Variants in OSBP2 observed in about 807,000 individuals in gnomAD.
The protein encoded by OSBP2 is oxysterol binding protein 2.
In OSBP2, 66 loss-of-function variants were observed where a neutral mutation model predicts 96.0. The observed-to-expected ratio is 0.69, with a 90% CI of 0.56 to 0.84. The LOEUF (loss-of-function observed/expected upper bound fraction) is 0.84, where lower values mean the gene tolerates loss of function less well. OSBP2 is among the 40% of genes least tolerant of loss of function. The pLI, the probability that OSBP2 is intolerant of heterozygous loss-of-function variation, is 0.00. For missense variants in OSBP2, 1,038 were observed against 1,222.7 expected (o/e 0.85, Z 2.25); for synonymous variants, 525 against 520.9 (o/e 1.01, Z -0.11).
At chr22:30,894,072 T>G in intron 12 of OSBP2, 71 bp downstream of exon 12, 2 of 1,394,040 alleles carry the variant, frequency 1.4e-6, no homozygotes, top group Non-Finnish European at 2.0e-6. Context: ...AGAAAGCAAC[T>G]GACAGGCACA....
At chr22:30,730,762 CTCTCTCTCTCTCTATA>C (rs1569100343) in intron 1 of OSBP2, among the ~76,000 whole-genome samples, 96 of 39,426 alleles carry the variant, frequency 2.4e-3, no homozygotes, top group South Asian at 6.6e-3. Flanking sequence ...CTCTCTCTCT[CTCTCTCTCTCTCTATA>C]TATATATATA....
At chr22:30,820,489 C>T (rs941438718) in intron 2 of OSBP2, among the ~76,000 whole-genome samples, 2 of 152,138 alleles carry the variant, frequency 1.3e-5, no homozygotes, top group Non-Finnish European at 2.9e-5. Context: ...CCTCTGGGAG[C>T]CCAGGGCGCA....
chr22:30,720,510 G>A (rs1226956119), intron 1 of OSBP2, among the ~76,000 whole-genome samples: 1 of 152,166 alleles, frequency 6.6e-6, no homozygotes, highest in Non-Finnish European at 1.5e-5. Flanking sequence ...AGCGAGCCAA[G>A]ACAGAGTTAG....
intron 1 of OSBP2, among the ~76,000 whole-genome samples, chr22:30,724,468 A>AC (rs1209375268): frequency 6.6e-6 from 1 of 152,042 alleles, no homozygotes; most frequent in East Asian, 1.9e-4. Flanking sequence ...TGATCCACCC[A>AC]CCTTGGCCTC....
At chr22:30,784,794 G>A (rs1031839975) in intron 2 of OSBP2, among the ~76,000 whole-genome samples, 2 of 137,278 alleles carry the variant, frequency 1.5e-5, no homozygotes, top group Non-Finnish European at 3.1e-5. Context: ...TTTTTTTTGA[G>A]ATGTGTCTTG....
chr22:30,705,249 C>T lies in OSBP2; in HGVS notation c.644+9696C>T, dbSNP rs553742213. On this transcript the variant is annotated intron_variant, in intron 1 of 13. Transcript: ENST00000332585. Reference sequence around the variant, plus strand: ...GGTTTTTGCAAGTGACTGGGGTACACTTGCCACATGGACCCCTTCCTCCCC... The same window carrying T: ...GGTTTTTGCAAGTGACTGGGGTACATTTGCCACATGGACCCCTTCCTCCCC... Among the ~76,000 whole-genome samples the T allele has an allele frequency of 2.0e-4, 30 of 152,046 alleles. No individual in the cohort carries two copies. In the South Asian group the frequency reaches 2.3e-3, roughly 12 times the overall value.
chr22:30,821,565 G>C (rs1276709066), intron 2 of OSBP2, among the ~76,000 whole-genome samples: 1 of 152,140 alleles, frequency 6.6e-6, no homozygotes, highest in Non-Finnish European at 1.5e-5. Context: ...TGGTACAAAT[G>C]GCGGTGGATG....
At position 30,903,082 on chromosome 22, in the gene OSBP2, G is replaced by A. The variant is rs117567807; in HGVS notation, c.2376-2755G>A. On this transcript the variant is annotated intron_variant, in intron 12 of 13. Coordinates refer to ENST00000332585, the MANE Select transcript of OSBP2 (RefSeq NM_030758.4). ...TCCTAGCAGCACATGGGGTTCCCCA[G>A]AGGATCGGAGGTGGCCATGTGGGGG... Among the ~76,000 whole-genome samples, 575 of 152,324 alleles carry A rather than the reference G, an allele frequency of 3.8e-3. 2 individuals carry two copies. Among genetic ancestry groups the A allele is most frequent in the Non-Finnish European group, 6.8e-3 (462 of 68,034 alleles).
intron 2 of OSBP2, among the ~76,000 whole-genome samples, chr22:30,835,816 C>G (rs1388231165): frequency 6.6e-6 from 1 of 151,036 alleles, no homozygotes; most frequent in Non-Finnish European, 1.5e-5. Flanking sequence ...TCCCCTATCT[C>G]AAGTGATCCT....
intron 2 of OSBP2, among the ~76,000 whole-genome samples, chr22:30,770,324 G>T (rs1416867167): frequency 6.6e-6 from 1 of 152,068 alleles, no homozygotes; most frequent in East Asian, 1.9e-4. Context: ...ACGAACTCCT[G>T]ACCTCAAGTG....
In OSBP2 at chr22:30,893,749, C is replaced by T. The variant is rs775670545; in HGVS notation, c.2190+16C>T. On this transcript the variant is annotated intron_variant, in intron 11 of 13. Transcript: ENST00000332585. Reference sequence around the variant, plus strand: ...AGCCCGGAAGGTAAGCAGGACCAGCCACCTCTAAGCACCCCAGGGGGCCCA... The same window carrying T: ...AGCCCGGAAGGTAAGCAGGACCAGCTACCTCTAAGCACCCCAGGGGGCCCA... 1.2e-6 allele frequency: 2 copies of T among 1,613,452 alleles called. No homozygotes were observed. Among genetic ancestry groups the T allele is most frequent in the Admixed American group, 1.7e-5 (1 of 59,984 alleles).
intron 8 of OSBP2, 109 bp downstream of exon 8, chr22:30,891,082 G>A (rs2039938120): frequency 5.1e-6 from 7 of 1,361,518 alleles, no homozygotes; most frequent in Non-Finnish European, 6.0e-6. Flanking sequence ...GACCCTGACT[G>A]CCCATACCCA....
intron 1 of OSBP2, among the ~76,000 whole-genome samples, chr22:30,740,943 C>T (rs115735927): frequency 0.038 from 5,771 of 152,268 alleles, 182 homozygotes; most frequent in African/African-American, 0.081. Flanking sequence ...GGCTCCCGTC[C>T]CTCTGCCATT....
intron 2 of OSBP2, among the ~76,000 whole-genome samples, chr22:30,778,205 T>C (rs1271103705): frequency 7.6e-6 from 1 of 132,216 alleles, no homozygotes; most frequent in Non-Finnish European, 1.6e-5. Context: ...GAGATGGGGT[T>C]TCAACATGTT....
rs138062556 is a variant in OSBP2 at position 30,739,458 on chromosome 22, G to C, written c.645-1703G>C. The stretch of plus-strand genomic sequence containing the variant: ...AGTTTTAATGGCAGGATCCCAACCT[G>C]CTCCAACTCTGTAGTTCTTTTTTTT... On this transcript the variant is annotated intron_variant, in intron 1 of 13. Coordinates refer to ENST00000332585, the MANE Select transcript of OSBP2 (RefSeq NM_030758.4). Among the ~76,000 whole-genome samples the C allele has an allele frequency of 4.0e-3, 614 of 152,262 alleles. 2 individuals carry two copies. The highest frequency in any genetic ancestry group is 7.3e-3 in the Non-Finnish European group (497 of 68,016).
At chr22:30,714,300 A>G (rs2089408828) in intron 1 of OSBP2, among the ~76,000 whole-genome samples, 1 of 152,054 alleles carries the variant, frequency 6.6e-6, no homozygotes, top group African/African-American at 2.4e-5. Flanking sequence ...TTCTTTATCC[A>G]TTCATCTGCT....
intron 2 of OSBP2, among the ~76,000 whole-genome samples, chr22:30,783,018 C>T (rs113143609): frequency 4.7e-4 from 70 of 149,342 alleles, no homozygotes; most frequent in African/African-American, 1.7e-3. Flanking sequence ...TCAGACATGA[C>T]AGTGTCTGTT....
At chr22:30,891,584 C>T (rs1462686571) in intron 8 of OSBP2, among the ~76,000 whole-genome samples, 2 of 152,216 alleles carry the variant, frequency 1.3e-5, no homozygotes, top group African/African-American at 4.8e-5. Context: ...GAAGAGGCTG[C>T]AGCTGCTGCA....
rs764591046 is a variant in OSBP2, at chr22:30,893,148, G to A, written c.1896G>A (p.Ala632=). 30 of 1,613,944 alleles carry A rather than the reference G, an allele frequency of 1.9e-5. No individual in the cohort carries two copies. Among genetic ancestry groups the A allele is most frequent in the Middle Eastern group, 1.6e-4 (1 of 6,082 alleles). ...EQVSHHPPSA[A]HYVFSKHGWS... ...TGAGCCACCACCCCCCCTCAGCTGC[G>A]CACTACGTGTTCTCCAAGCATGGCT... The change falls in exon 9 of 14, where the codon GCG becomes GCA. Residue 632 remains alanine, a synonymous_variant. Transcript: ENST00000332585.
Sources: gnomAD v4.1 joint callset for allele counts (sites outside exome capture counted in the v4.1 genomes callset) on GRCh38, gnomAD v4.1.1 for gene constraint, MANE v1.5 for transcripts, NCBI Gene and HGNC (gene_info 2026-07-23, HGNC 2026-07-21) for gene names.